The following FSCN3 variants were observed in gnomAD, a reference collection of about 807,000 sequenced individuals.
The protein encoded by FSCN3 is fascin-3.
FSCN3 carries 43 observed loss-of-function variants against 53.5 expected under a neutral mutation model. The ratio of observed to expected loss-of-function variants is 0.80; its 90% confidence interval spans 0.63 to 1.04. The LOEUF is 1.04. FSCN3 is among the 50% of genes least tolerant of loss of function. The pLI is 0.00. For missense variants in FSCN3, 594 were observed against 646.5 expected, an observed-to-expected ratio of 0.92 and a Z score of 0.88; for synonymous variants, 235 against 246.6, an observed-to-expected ratio of 0.95 and a Z score of 0.44.
At chr7:127,601,138 T>G (rs539187913) in intron 6 of FSCN3, among the ~76,000 whole-genome samples, 1 of 152,350 alleles carries the variant, frequency 6.6e-6, no homozygotes, top group South Asian at 2.1e-4. Flanking sequence ...TCTTGTGTGC[T>G]TGCTCCTTCT....
At position 127,601,884 on chromosome 7, in the gene FSCN3, A is replaced by G. The variant is rs1407524089; in HGVS notation, c.*262A>G. On this transcript the variant is annotated 3_prime_UTR_variant, in exon 7 of 7. Coordinates refer to ENST00000265825, the MANE Select transcript of FSCN3 (RefSeq NM_020369.3). ...CCCCAGGCTGCTCTAAGTTCTATAC[A>G]GGAGAGACCAAATGGCAAGCAGTTC... 1 of 152,248 alleles carries G rather than the reference A, an allele frequency of 6.6e-6. No individual in the cohort carries two copies. Among genetic ancestry groups the G allele is most frequent in the Non-Finnish European group, 1.5e-5 (1 of 68,074 alleles). 9.4% of individuals were successfully genotyped at this position (152,248 alleles called of 1,614,324 possible). A position where few individuals can be genotyped will look rare whatever the true frequency, so the allele number is the denominator to read the frequency against.
At position 127,595,546 on chromosome 7, in the gene FSCN3, C is replaced by G. The variant is rs202077548; in HGVS notation, c.384C>G (p.His128Gln). ...SNGKDVFCTS[H>Q]VLSAYHMWTP... ...GCAAGGACGTGTTTTGCACTTCCCA[C>G]GTCCTCTCAGCTTACCACATGTGGA... is the stretch of plus-strand genomic sequence containing the variant. The change falls in exon 2 of 7, where the codon CAC becomes CAG. Residue 128 changes from histidine (H) to glutamine (Q), a missense_variant. By Grantham distance (24) the His-to-Gln change is conservative. Coordinates refer to ENST00000265825, the MANE Select transcript of FSCN3 (RefSeq NM_020369.3). 6.2e-6 allele frequency: 10 copies of G among 1,614,096 alleles called. No homozygotes were observed. The highest frequency in any genetic ancestry group is 8.5e-6 in the Non-Finnish European group (10 of 1,179,950).
chr7:127,601,778 T>C lies in FSCN3; in HGVS notation c.*156T>C, dbSNP rs1215721211. 1 of 152,086 alleles carries C rather than the reference T, an allele frequency of 6.6e-6. No homozygotes were observed. Among genetic ancestry groups the C allele is most frequent in the East Asian group, 1.9e-4 (1 of 5,190 alleles). The allele number at this position is 152,086 out of a possible 1,614,324, so 9.4% of individuals were successfully genotyped here. A position where few individuals can be genotyped will look rare whatever the true frequency, so the allele number is the denominator to read the frequency against. On this transcript the variant is annotated 3_prime_UTR_variant, in exon 7 of 7. Transcript: ENST00000265825. ...AACACCTGTTTTATGCAACAATACATCACAACAGGCCACCCCCAAGATCCT... is the reference window on the plus strand; with the variant it reads ...AACACCTGTTTTATGCAACAATACACCACAACAGGCCACCCCCAAGATCCT...
rs752113055 is a variant in FSCN3 at position 127,598,563 on chromosome 7, C to T, written c.1089C>T (p.Asn363=). The stretch of plus-strand genomic sequence containing the variant: ...GGCGCTTCCTGGGCATTGCACCCAA[C>T]AGCCTGCTGATGGCCAATGTCATCC... The part of the protein sequence containing the change: ...CRGRFLGIAP[N]SLLMANVILP... Residue 363 remains asparagine (N), a synonymous_variant, in exon 4 of 7, where the codon AAC becomes AAT. Transcript: ENST00000265825. 3 of 1,612,748 alleles carry T rather than the reference C, an allele frequency of 1.9e-6. No individual in the cohort carries two copies. The South Asian group carries it at 3.3e-5, about 18-fold the overall frequency.
intron 4 of FSCN3, 67 bp downstream of exon 4, chr7:127,598,661 T>C: frequency 7.2e-7 from 1 of 1,389,334 alleles, no homozygotes; most frequent in Non-Finnish European, 9.9e-7. Context: ...AGGTGGAATA[T>C]GATTGTTAAA....
Position 127,599,514 on chromosome 7 carries a change from T to C in FSCN3, c.1254T>C (p.His418=), listed in dbSNP as rs748179643. 3.7e-6 allele frequency: 6 copies of C among 1,614,018 alleles called. No individual in the cohort carries two copies. The highest frequency in any genetic ancestry group is 1.3e-5 in the African/African-American group (1 of 74,914). The change falls in exon 5 of 7, where the codon CAT becomes CAC. Residue 418 remains histidine (H), a synonymous_variant. Transcript: ENST00000265825. The part of the protein sequence containing the change: ...QCNQDQPDRI[H]LLPCRPGIYH... ...ACCAGGATCAGCCCGACCGCATTCA[T>C]CTACTACCCTGCCGACCGGGTATCT... is the stretch of plus-strand genomic sequence containing the variant.
intron 3 of FSCN3, among the ~76,000 whole-genome samples, chr7:127,596,961 T>C (rs1794399176): frequency 1.3e-5 from 2 of 152,272 alleles, no homozygotes; most frequent in South Asian, 4.1e-4. Flanking sequence ...TTCTGATCAA[T>C]GGAAACATAC....
intron 4 of FSCN3, 44 bp downstream of exon 4, chr7:127,598,638 G>A (rs770664377): frequency 2.0e-6 from 3 of 1,496,850 alleles, no homozygotes; most frequent in South Asian, 2.4e-5. Context: ...AAGTCAGGGA[G>A]AACTTTAGAG....
chr7:127,594,160 CTGTGTGTGTGTGTGTGTGTG>C (rs749215425), intron 1 of FSCN3, among the ~76,000 whole-genome samples, 163 bp downstream of exon 1: 1 of 89,206 alleles, frequency 1.1e-5, no homozygotes, highest in African/African-American at 4.6e-5. Context: ...AGTGGCCAAG[CTGTGTGTGTGTGTGTGTGTG>C]TGTGTGTGTG....
intron 5 of FSCN3, among the ~76,000 whole-genome samples, chr7:127,599,951 A>AT (rs1332396242): frequency 1.3e-5 from 2 of 151,964 alleles, no homozygotes; most frequent in Non-Finnish European, 2.9e-5. Context: ...TTTCCAAAAA[A>AT]AAAAAAAAGG....
intron 4 of FSCN3, 149 bp from the exon 5 acceptor site, chr7:127,599,232 C>T: frequency 3.0e-6 from 2 of 657,476 alleles, no homozygotes; most frequent in Non-Finnish European, 5.5e-6. Context: ...TTCACAAGCA[C>T]CTAGCATAAG....
At chr7:127,596,107 A>C in intron 2 of FSCN3, 104 bp downstream of exon 2, 1 of 1,484,548 alleles carries the variant, frequency 6.7e-7, no homozygotes, top group Non-Finnish European at 8.9e-7. Flanking sequence ...CTAATAAGGA[A>C]GATCCTGGGG....
rs1794455999 is a variant in FSCN3, at chr7:127,600,417, G to A, written c.*18G>A. 8 of 1,473,014 alleles carry A rather than the reference G, an allele frequency of 5.4e-6. No individual in the cohort carries two copies. The highest frequency in any genetic ancestry group is 6.7e-6 in the Non-Finnish European group (7 of 1,051,724). The allele number at this position is 1,473,014 out of a possible 1,614,324, so 91.2% of individuals were successfully genotyped here. The stretch of plus-strand genomic sequence containing the variant: ...AATTTTAGGTAAGGGAGAGGAACAG[G>A]TAAGGGGCTAGGGGAGCAGAAGCCA... On this transcript the variant is annotated intron_variant, in intron 6 of 6. Coordinates refer to ENST00000265825, the MANE Select transcript of FSCN3 (RefSeq NM_020369.3).
chr7:127,600,358 G>A lies in FSCN3; in HGVS notation c.1456G>A (p.Asp486Asn). ...RADQSGTLLA[D>N]SEDITRECIW... is the part of the protein sequence containing the mutation. ...CGACCAAAGTGGCACCCTGTTGGCA[G>A]ACAGTGAAGACATTACCAGAGAGTG... The change falls in exon 6 of 7, where the codon GAC (aspartate) becomes AAC (asparagine). Residue 486 changes from aspartate to asparagine, a missense_variant. Physicochemically the swap from Asp to Asn is conservative, Grantham distance 23. Transcript: ENST00000265825. 1 of 1,613,204 alleles carries A rather than the reference G, an allele frequency of 6.2e-7. No individual in the cohort carries two copies. The highest frequency in any genetic ancestry group is 8.5e-7 in the Non-Finnish European group (1 of 1,179,104).
Position 127,595,417 on chromosome 7 carries a change from C to T in FSCN3, c.255C>T (p.Gly85=), listed in dbSNP as rs1412465583. The change falls in exon 2 of 7, where the codon GGC becomes GGT. Residue 85 remains glycine, a synonymous_variant. Transcript: ENST00000265825. ...LCECDGTVCY[G]RPRTSHHGCF... Reference sequence around the variant, plus strand: ...AGTGTGATGGCACCGTGTGTTATGGCCGCCCAAGGACCAGCCACCATGGGT... The same window carrying T: ...AGTGTGATGGCACCGTGTGTTATGGTCGCCCAAGGACCAGCCACCATGGGT... 4.3e-6 allele frequency: 7 copies of T among 1,614,038 alleles called. No individual in the cohort carries two copies. The highest frequency in any genetic ancestry group is 1.3e-5 in the African/African-American group (1 of 74,924).
In FSCN3 at chr7:127,601,711, G is replaced by A. The variant is rs1179101651; in HGVS notation, c.*89G>A. ...CAGGAACCTCAGAGTCAAGATCCAA[G>A]AGAAGAACATCTGTTACAACTTTTC... On this transcript the variant is annotated 3_prime_UTR_variant, in exon 7 of 7. Coordinates refer to ENST00000265825, the MANE Select transcript of FSCN3 (RefSeq NM_020369.3). 6.6e-6 allele frequency: 1 copy of A among 152,152 alleles called. No homozygotes were observed. Among genetic ancestry groups the A allele is most frequent in the Non-Finnish European group, 1.5e-5 (1 of 68,030 alleles). The allele number at this position is 152,152 out of a possible 1,614,324, so 9.4% of individuals were successfully genotyped here.
intron 1 of FSCN3, chr7:127,594,793 G>C: frequency 2.1e-6 from 1 of 471,502 alleles, no homozygotes; most frequent in Non-Finnish European, 4.4e-6. Flanking sequence ...GATCACAGCT[G>C]AACCAGGCAG....
chr7:127,596,283 C>CGGAGA, intron 2 of FSCN3, 45 bp from the exon 3 acceptor site: 4 of 1,547,002 alleles, frequency 2.6e-6, no homozygotes, highest in Non-Finnish European at 8.9e-7. Context: ...GGAGGAGGGG[C>CGGAGA]CGAGACTGAG....
rs1333851832 is a variant in FSCN3 at position 127,598,483 on chromosome 7, A to G, written c.1009A>G (p.Thr337Ala). ...TGATGGGCACCCCCTGGAGTCTGAC[A>G]CGTTCTTCCGAATGCACTGGAACTG... ...MADGHPLESD[T>A]FFRMHWNCGR... The change falls in exon 4 of 7, where the codon ACG becomes GCG. Residue 337 changes from threonine (T) to alanine (A), a missense_variant. By Grantham distance (58) the Thr-to-Ala change is moderately conservative. Transcript: ENST00000265825. 6.2e-7 allele frequency: 1 copy of G among 1,614,098 alleles called. No homozygotes were observed. Among genetic ancestry groups the G allele is most frequent in the South Asian group, 1.1e-5 (1 of 91,080 alleles).
Sources: allele counts gnomAD v4.1 joint callset (sites outside exome capture counted in the v4.1 genomes callset), GRCh38; gene constraint gnomAD v4.1.1; transcripts MANE v1.5; gene names NCBI Gene and HGNC (gene_info 2026-07-23, HGNC 2026-07-21).